ZZEF1: variants seen among roughly 807,000 people sequenced by gnomAD.
The protein encoded by ZZEF1 is zinc finger ZZ-type and EF-hand domain-containing protein 1.
A neutral mutation model predicts 342.8 loss-of-function variants in ZZEF1; 157 were observed. The ratio of observed to expected loss-of-function variants is 0.46; its 90% confidence interval spans 0.40 to 0.52. The LOEUF (loss-of-function observed/expected upper bound fraction) is 0.52. Ranked by LOEUF, ZZEF1 falls within the 20% of genes least tolerant of loss-of-function variation. ZZEF1 has a pLI of 0.00. For missense variants in ZZEF1, 3,480 were observed against 3,725.6 expected, an observed-to-expected ratio of 0.93 and a Z score of 1.72; for synonymous variants, 1,505 against 1,429.1, an observed-to-expected ratio of 1.05 and a Z score of -1.20.
intron 43 of ZZEF1, among the ~76,000 whole-genome samples, chr17:4,024,186 G>GTTTTT (rs754985234): frequency 0.015 from 1,441 of 94,346 alleles, 177 homozygotes; most frequent in African/African-American, 0.02. Context: ...TATTGCCCAG[G>GTTTTT]TTTTTTTTTT....
chr17:4,105,118 G>A (rs2058189787), intron 7 of ZZEF1, among the ~76,000 whole-genome samples: 1 of 152,200 alleles, frequency 6.6e-6, no homozygotes, highest in Non-Finnish European at 1.5e-5. Flanking sequence ...TGACCAGAGA[G>A]TTGAGGGTTT....
intron 11 of ZZEF1, among the ~76,000 whole-genome samples, chr17:4,093,154 G>A (rs2057975637): frequency 6.6e-6 from 1 of 152,106 alleles, no homozygotes; most frequent in Non-Finnish European, 1.5e-5. Context: ...TCCTGTATAA[G>A]ATGTAAAAGA....
Position 4,016,718 on chromosome 17 carries a change from C to T in ZZEF1, c.8002-252G>A. ...AGGTGGTCTGAAAGAACTAACTGAA[C>T]CAATCATAAAGGGTCCTGGTCCTTG... On this transcript the variant is annotated intron_variant, in intron 48 of 54. Transcript: ENST00000381638. The surrounding 1 kb of genome is among the most constrained non-coding windows in gnomAD (Gnocchi z 4.4). 2.3e-6 allele frequency: 1 copy of T among 429,986 alleles called. No individual in the cohort carries two copies. Among genetic ancestry groups the T allele is most frequent in the South Asian group, 4.5e-5 (1 of 22,374 alleles). 26.6% of individuals were successfully genotyped at this position (429,986 alleles called of 1,614,324 possible).
intron 32 of ZZEF1, 142 bp from the exon 33 acceptor site, chr17:4,056,487 G>C (rs2057162097): frequency 2.4e-6 from 2 of 845,542 alleles, no homozygotes; most frequent in Non-Finnish European, 3.2e-6. Context: ...GCTTTTCAAA[G>C]CCCCAGGATT....
chr17:4,123,812 G>T (rs1205551584), intron 2 of ZZEF1, 95 bp downstream of exon 2: 14 of 1,427,440 alleles, frequency 9.8e-6, no homozygotes, highest in Middle Eastern at 1.9e-4. Context: ...TGTTGGGGGA[G>T]TTTACTGCAT....
At chr17:4,086,283 GCGGC>G (rs2057817957) in intron 15 of ZZEF1, among the ~76,000 whole-genome samples, 199 bp downstream of exon 15, 1 of 55,110 alleles carries the variant, frequency 1.8e-5, no homozygotes, top group African/African-American at 6.1e-5. Flanking sequence ...GTTTCCCACA[GCGGC>G]AATCCCTTTC....
rs745349422 is a variant in ZZEF1, at chr17:4,064,720, G to C, written c.4359C>G (p.Leu1453=). The C allele has an allele frequency of 6.2e-7, 1 of 1,614,132 alleles. No homozygotes were observed. Among genetic ancestry groups the C allele is most frequent in the Non-Finnish European group, 8.5e-7 (1 of 1,180,026 alleles). The change falls in exon 29 of 55, where the codon CTC becomes CTG. Residue 1453 remains leucine, a synonymous_variant. Transcript: ENST00000381638. ...TCCTCTGACGCTTGTTGAGTGGCTG[G>C]AGATGACTGGTTTCATCAGCAGTCT... ...KLETADETSH[L]QPLNKRQRTS...
intron 10 of ZZEF1, 29 bp downstream of exon 10, chr17:4,096,580 T>C (rs1300667531): frequency 1.9e-6 from 3 of 1,595,154 alleles, no homozygotes; most frequent in Non-Finnish European, 1.7e-6. Context: ...AGTAGTAACA[T>C]TGCTTAAAGA....
intron 26 of ZZEF1, among the ~76,000 whole-genome samples, chr17:4,068,329 G>C (rs1481188606): frequency 2.6e-5 from 4 of 152,122 alleles, no homozygotes; most frequent in Non-Finnish European, 2.9e-5. Context: ...CCAGACTAGA[G>C]TGCAATGGCG....
chr17:4,103,335 G>T (rs1331507318), intron 8 of ZZEF1, among the ~76,000 whole-genome samples: 1 of 151,880 alleles, frequency 6.6e-6, no homozygotes, highest in African/African-American at 2.4e-5. Context: ...TTGAGTCCAG[G>T]AGTTTGAGAC....
chr17:4,047,795 G>T (rs1026324745), intron 37 of ZZEF1, among the ~76,000 whole-genome samples: 1 of 149,684 alleles, frequency 6.7e-6, no homozygotes, highest in African/African-American at 2.5e-5. Flanking sequence ...CAAAAAATTA[G>T]CTGGGCGTGG....
chr17:4,052,393 C>T (rs376635990), intron 34 of ZZEF1, among the ~76,000 whole-genome samples: 4 of 152,296 alleles, frequency 2.6e-5, no homozygotes, highest in African/African-American at 9.6e-5. Flanking sequence ...TTGGTGGAAA[C>T]AAGTCCACAT....
Position 4,007,509 on chromosome 17 carries a change from G to C in ZZEF1, c.8806-539C>G, listed in dbSNP as rs372389517. 4.7e-5 allele frequency among the ~76,000 whole-genome samples: 7 copies of C among 150,350 alleles called. No homozygotes were observed. In the East Asian group the frequency reaches 9.7e-4, roughly 21 times the overall value. ...TGGTGCAGTACACTCAACAGGCTGT[G>C]GGGGGGGTCAGAAGAGGGTAAGGAG... is the stretch of plus-strand genomic sequence containing the variant. On this transcript the variant is annotated intron_variant, in intron 54 of 54. Coordinates refer to ENST00000381638, the MANE Select transcript of ZZEF1 (RefSeq NM_015113.4).
rs748580938 is a variant in ZZEF1, at chr17:4,076,984, C to T, written c.2995G>A (p.Gly999Ser). ...LAVDLIEKYV[G>S]QFLASMRAIL... is the part of the protein sequence containing the mutation. ...GCTCTCATGCTTGCCAGAAACTGGCCCACATCTACCGAAACAAAGAAAATA... is the reference window on the plus strand; with the variant it reads ...GCTCTCATGCTTGCCAGAAACTGGCTCACATCTACCGAAACAAAGAAAATA... The change falls in exon 20 of 55, where the codon GGC becomes AGC. Residue 999 changes from glycine to serine, a missense_variant. Around this residue, in one of 5 missense-constraint regions of ZZEF1, gnomAD observed 1,528 missense variants for 1,624.1 expected, o/e 0.94. Coordinates refer to ENST00000381638, the MANE Select transcript of ZZEF1 (RefSeq NM_015113.4). 5.0e-6 allele frequency: 8 copies of T among 1,611,690 alleles called. 1 individual carries two copies. In the African/African-American group the frequency reaches 8.0e-5, roughly 16 times the overall value.
At chr17:4,042,725 A>G (rs562691881) in intron 38 of ZZEF1, among the ~76,000 whole-genome samples, 157 bp from the exon 39 acceptor site, 1 of 152,352 alleles carries the variant, frequency 6.6e-6, no homozygotes, top group South Asian at 2.1e-4. Flanking sequence ...TCTGTTGCCC[A>G]GGCTGCAGTG....
chr17:4,010,810 C>T (rs746308358), intron 52 of ZZEF1, among the ~76,000 whole-genome samples: 4 of 151,028 alleles, frequency 2.6e-5, no homozygotes, highest in African/African-American at 4.9e-5. Context: ...CCTGCATATA[C>T]AGCATTTTCT....
rs150269329 is a variant in ZZEF1, at chr17:4,082,057, G to A, written c.2714+380C>T. Among the ~76,000 whole-genome samples the A allele has an allele frequency of 9.4e-4, 143 of 152,228 alleles. 1 individual carries two copies. Among genetic ancestry groups the A allele is most frequent in the African/African-American group, 3.0e-3 (124 of 41,526 alleles). ...GGTAGTTGAAACAGGCAAAAATCTC[G>A]AAGACCTCCCCTCCCAGCACACTTC... On this transcript the variant is annotated intron_variant, in intron 17 of 54. Coordinates refer to ENST00000381638, the MANE Select transcript of ZZEF1 (RefSeq NM_015113.4).
At chr17:4,053,116 G>A (rs1474333860) in intron 34 of ZZEF1, among the ~76,000 whole-genome samples, 1 of 152,168 alleles carries the variant, frequency 6.6e-6, no homozygotes, top group Non-Finnish European at 1.5e-5. Context: ...TCCTAAAGGA[G>A]ACTCTTAGCA....
intron 2 of ZZEF1, among the ~76,000 whole-genome samples, chr17:4,121,530 G>A (rs113547729): frequency 0.033 from 5,049 of 152,188 alleles, 117 homozygotes; most frequent in East Asian, 0.068. Flanking sequence ...GGAGGCTGAG[G>A]CACAACAATC....
Sources: allele counts gnomAD v4.1 joint callset (sites outside exome capture counted in the v4.1 genomes callset), GRCh38; gene constraint gnomAD v4.1.1; regional missense constraint gnomAD v4.1.1; non-coding constraint Gnocchi (gnomAD v3.1); transcripts MANE v1.5; gene names NCBI Gene and HGNC (gene_info 2026-07-23, HGNC 2026-07-21).